The following PRKCB variants were observed in gnomAD, a reference collection of about 807,000 sequenced individuals.
PRKCB encodes the protein protein kinase C beta type.
Under a neutral mutation model 81.5 loss-of-function variants are expected in PRKCB, and 13 were observed. The ratio of observed to expected loss-of-function variants is 0.16; its 90% CI spans 0.10 to 0.25. PRKCB has a LOEUF of 0.25. PRKCB is among the 10% of genes least tolerant of loss of function. The pLI is 1.00. For synonymous variants in PRKCB, 335 were observed against 321.4 expected, an observed-to-expected ratio of 1.04 and a Z score of -0.45; for missense variants, 509 against 875.7, an observed-to-expected ratio of 0.58 and a Z score of 5.29.
intron 5 of PRKCB, among the ~76,000 whole-genome samples, chr16:24,043,619 A>G (rs142259399): frequency 6.6e-6 from 1 of 152,260 alleles, no homozygotes; most frequent in African/African-American, 2.4e-5. Context: ...AAGTTTTGGG[A>G]TACTGGACCT....
intron 16 of PRKCB, among the ~76,000 whole-genome samples, chr16:24,211,479 A>G (rs1430316774): frequency 6.6e-6 from 1 of 152,134 alleles, no homozygotes; most frequent in African/African-American, 2.4e-5. Flanking sequence ...AGGAAACTGA[A>G]ACTTTAAGGA....
chr16:24,151,028 T>A (rs190243861), intron 9 of PRKCB, among the ~76,000 whole-genome samples: 1 of 152,240 alleles, frequency 6.6e-6, no homozygotes, highest in African/African-American at 2.4e-5. Flanking sequence ...CACATAGCAT[T>A]GCTGATTTGC....
chr16:23,875,480 GATATATAT>G (rs71381624), intron 2 of PRKCB, among the ~76,000 whole-genome samples: 1 of 4,648 alleles, frequency 2.2e-4, no homozygotes, highest in Non-Finnish European at 5.1e-4. Context: ...CAACTAAAAA[GATATATAT>G]ATATATATAT....
intron 3 of PRKCB, among the ~76,000 whole-genome samples, chr16:24,001,601 A>G (rs1965035219): frequency 6.6e-6 from 1 of 152,254 alleles, no homozygotes; most frequent in Admixed American, 6.5e-5. Flanking sequence ...TGTCTCAAAA[A>G]GAAATTGAAA....
chr16:23,852,907 G>A (rs549027711), intron 2 of PRKCB, among the ~76,000 whole-genome samples: 1 of 152,346 alleles, frequency 6.6e-6, no homozygotes, highest in Admixed American at 6.5e-5. Flanking sequence ...CTGAGGCTGA[G>A]CCTGAGAAAT....
intron 2 of PRKCB, among the ~76,000 whole-genome samples, chr16:23,870,950 G>A (rs539644568): frequency 6.6e-6 from 1 of 152,320 alleles, no homozygotes; most frequent in East Asian, 1.9e-4. Flanking sequence ...ACTTAGATGT[G>A]TGTTAGCTGG....
chr16:24,181,088 C>A (rs939353783), intron 13 of PRKCB, among the ~76,000 whole-genome samples, 160 bp downstream of exon 13: 1 of 152,172 alleles, frequency 6.6e-6, no homozygotes, highest in African/African-American at 2.4e-5. Context: ...ATCACACATG[C>A]AAATTAATTT....
chr16:23,981,686 T>C (rs772124694), intron 2 of PRKCB, among the ~76,000 whole-genome samples: 1,800 of 82,748 alleles, frequency 0.022, 39 homozygotes, highest in African/African-American at 0.061. Context: ...CCCTTCCCCT[T>C]CCCTTCCCCT....
At chr16:23,924,996 C>T (rs964613181) in intron 2 of PRKCB, among the ~76,000 whole-genome samples, 4 of 151,956 alleles carry the variant, frequency 2.6e-5, no homozygotes, top group Admixed American at 6.6e-5. Flanking sequence ...GGACTGGGAC[C>T]AAGTGGGAGG....
chr16:23,863,828 C>G (rs542300474), intron 2 of PRKCB, among the ~76,000 whole-genome samples: 1 of 152,220 alleles, frequency 6.6e-6, no homozygotes, highest in Admixed American at 6.5e-5. Flanking sequence ...AAGAATGTGC[C>G]TGATTTGGTA....
At position 24,094,809 on chromosome 16, in the gene PRKCB, G is replaced by GAGGAAGGAAGGAAGGA. The variant is rs71154277; in HGVS notation, c.821+542_821+557dup. Among the ~76,000 whole-genome samples the GAGGAAGGAAGGAAGGA allele has an allele frequency of 3.1e-4, 36 of 116,754 alleles. 1 individual carries two copies. Among genetic ancestry groups the GAGGAAGGAAGGAAGGA allele is most frequent in the East Asian group, 1.4e-3 (6 of 4,192 alleles). 76.6% of individuals were successfully genotyped at this position (116,754 alleles called of 152,430 possible). A position where few individuals can be genotyped will look rare whatever the true frequency, so the allele number is the denominator to read the frequency against. ...GAGAGAAGGAATGAAGGAAGGGAGG[G>GAGGAAGGAAGGAAGGA]AGGAAGGAAGGAAGGAAGGAAGGAA... On this transcript the variant is annotated intron_variant, in intron 7 of 16. Transcript: ENST00000643927.
At position 23,943,091 on chromosome 16, in the gene PRKCB, AACTGTTGCCCTTCC is replaced by A. The variant is rs1316119764; in HGVS notation, c.206-45415_206-45402del. Among the ~76,000 whole-genome samples the A allele has an allele frequency of 2.0e-5, 3 of 152,322 alleles. No homozygotes were observed. The East Asian group carries it at 5.8e-4, about 29-fold the overall frequency. On this transcript the variant is annotated intron_variant, in intron 2 of 16. Coordinates refer to ENST00000643927, the MANE Select transcript of PRKCB (RefSeq NM_002738.7). ...GCAATGCCATGGACAGGGGTGGCAG[AACTGTTGCCCTTCC>A]AGTCTTTGCTCTGCCATCCACCAGA...
intron 9 of PRKCB, among the ~76,000 whole-genome samples, chr16:24,142,102 C>T (rs1316826139): frequency 4.6e-5 from 7 of 152,094 alleles, no homozygotes; most frequent in Admixed American, 4.6e-4. Context: ...TGTCATTATT[C>T]CCCTTTTATG....
intron 2 of PRKCB, among the ~76,000 whole-genome samples, chr16:23,948,662 C>A (rs1964235990): frequency 6.6e-6 from 1 of 152,216 alleles, no homozygotes; most frequent in Non-Finnish European, 1.5e-5. Context: ...CTGCCTTGGC[C>A]TCCCAAAGTG....
intron 3 of PRKCB, among the ~76,000 whole-genome samples, chr16:24,008,669 C>T (rs1359969081): frequency 6.6e-6 from 1 of 152,150 alleles, no homozygotes; most frequent in Non-Finnish European, 1.5e-5. Context: ...TTTCCCCCCA[C>T]CCCCAGTGAT....
intron 15 of PRKCB, among the ~76,000 whole-genome samples, chr16:24,190,486 C>A (rs548062475): frequency 2.3e-4 from 30 of 128,558 alleles, no homozygotes; most frequent in Non-Finnish European, 3.0e-4. Context: ...TTATTTTTTT[C>A]TTTCTGTTTT....
At chr16:24,197,115 C>T (rs1482361539) in intron 16 of PRKCB, among the ~76,000 whole-genome samples, 2 of 152,142 alleles carry the variant, frequency 1.3e-5, no homozygotes, top group East Asian at 3.9e-4. Context: ...GTGATGGAAA[C>T]ATAGCACTAA....
At chr16:24,066,899 G>T (rs867618304) in intron 5 of PRKCB, among the ~76,000 whole-genome samples, 2 of 152,282 alleles carry the variant, frequency 1.3e-5, no homozygotes, top group Middle Eastern at 6.8e-3. Flanking sequence ...ACCCAAGCTG[G>T]AGTGCAGTGG....
In PRKCB at chr16:23,933,748, T is replaced by C. The variant is rs1964012223; in HGVS notation, c.206-54760T>C. ...ATCTATCCATCCATCCATTCGTCCA[T>C]CCATCTATCCATCTATCCACTCCAT... On this transcript the variant is annotated intron_variant, in intron 2 of 16. Transcript: ENST00000643927. Among the ~76,000 whole-genome samples, 4 of 143,244 alleles carry C rather than the reference T, an allele frequency of 2.8e-5. No individual in the cohort carries two copies. The South Asian group carries it at 9.2e-4, about 33-fold the overall frequency. The allele number at this position is 143,244 out of a possible 152,430, so 94.0% of individuals were successfully genotyped here. A position where few individuals can be genotyped will look rare whatever the true frequency, so the allele number is the denominator to read the frequency against.
Sources: gnomAD v4.1 joint callset for allele counts (sites outside exome capture counted in the v4.1 genomes callset) on GRCh38, gnomAD v4.1.1 for gene constraint, MANE v1.5 for transcripts, NCBI Gene and HGNC (gene_info 2026-07-23, HGNC 2026-07-21) for gene names.